Variants in CDCA8 observed in about 807,000 individuals in gnomAD.
The protein encoded by CDCA8 is cell division cycle associated 8.
In CDCA8, 25 loss-of-function variants were observed where a neutral mutation model predicts 40.0. The observed-to-expected ratio is 0.63, with a 90% CI of 0.46 to 0.87. The LOEUF (loss-of-function observed/expected upper bound fraction) is 0.87, where lower values mean the gene tolerates loss of function less well. Among genes scored for constraint, CDCA8 ranks in the 40% least tolerant of loss-of-function variants. CDCA8 has a pLI of 0.00. For missense variants in CDCA8, 280 were observed against 348.4 expected, an observed-to-expected ratio of 0.80 and a Z score of 1.56; for synonymous variants, 111 against 126.5, an observed-to-expected ratio of 0.88 and a Z score of 0.82.
At position 37,693,356 on chromosome 1, in the gene CDCA8, A is replaced by G. The variant is rs376521600; in HGVS notation, c.223+323A>G. On this transcript the variant is annotated intron_variant, in intron 2 of 9. Coordinates refer to ENST00000373055, the MANE Select transcript of CDCA8 (RefSeq NM_001256875.2). ...AAATTTTAGTTATGGATACACTGAA[A>G]TGTGAATTTCACATAATTTTCACAC... Among the ~76,000 whole-genome samples, 32 of 152,280 alleles carry G rather than the reference A, an allele frequency of 2.1e-4. No homozygotes were observed. The South Asian group carries it at 6.4e-3, about 31-fold the overall frequency.
At chr1:37,693,963 C>A (rs1268112800) in intron 2 of CDCA8, among the ~76,000 whole-genome samples, 7 of 151,908 alleles carry the variant, frequency 4.6e-5, no homozygotes, top group Non-Finnish European at 1.0e-4. Context: ...CATGGAGAAA[C>A]CCTGTCTCTA....
intron 2 of CDCA8, 93 bp downstream of exon 2, chr1:37,693,126 T>A: frequency 9.3e-7 from 1 of 1,077,270 alleles, no homozygotes; most frequent in Non-Finnish European, 1.4e-6. Flanking sequence ...TGTCACCTTT[T>A]AATGAGATCT....
chr1:37,696,011 C>T lies in CDCA8; in HGVS notation c.264+61C>T. The T allele has an allele frequency of 7.0e-7, 1 of 1,421,448 alleles. No individual in the cohort carries two copies. 88.1% of individuals were successfully genotyped at this position (1,421,448 alleles called of 1,614,324 possible). Reference sequence around the variant, plus strand: ...CTTAAGTCTAGTCCAGTCCCCAGATCCAACTAATAGATGCTTACTGTGGAA... The same window carrying T: ...CTTAAGTCTAGTCCAGTCCCCAGATTCAACTAATAGATGCTTACTGTGGAA... On this transcript the variant is annotated intron_variant, in intron 3 of 9. Coordinates refer to ENST00000373055, the MANE Select transcript of CDCA8 (RefSeq NM_001256875.2). The surrounding 1 kb of genome is among the most constrained non-coding windows in gnomAD (Gnocchi z 5.0).
intron 4 of CDCA8, among the ~76,000 whole-genome samples, chr1:37,699,907 G>A (rs1273626057): frequency 3.3e-5 from 5 of 151,262 alleles, no homozygotes; most frequent in East Asian, 3.9e-4. Flanking sequence ...GCGATAGAGC[G>A]AGACTCTGTC....
intron 6 of CDCA8, among the ~76,000 whole-genome samples, chr1:37,702,660 C>T (rs940644201): frequency 6.6e-6 from 1 of 152,082 alleles, no homozygotes; most frequent in African/African-American, 2.4e-5. Context: ...ATTAAAAAGT[C>T]AGATTCTGAG....
chr1:37,697,709 T>C (rs1645536936), intron 3 of CDCA8, among the ~76,000 whole-genome samples: 1 of 152,238 alleles, frequency 6.6e-6, no homozygotes, highest in East Asian at 1.9e-4. Flanking sequence ...TCCTGCACAG[T>C]AGATGCCCAG....
rs1347714722 is a variant in CDCA8, at chr1:37,709,637, G to A, written c.*1271G>A. The A allele has an allele frequency of 1.3e-5, 2 of 152,038 alleles. No individual in the cohort carries two copies. Among genetic ancestry groups the A allele is most frequent in the Non-Finnish European group, 2.9e-5 (2 of 68,016 alleles). 9.4% of individuals were successfully genotyped at this position (152,038 alleles called of 1,614,324 possible). On this transcript the variant is annotated 3_prime_UTR_variant, in exon 10 of 10. Transcript: ENST00000373055. ...GAGATTTTTGTATATATTGTTCTGA[G>A]TAATGGTATCTTTGAGCTGATTGTT... is the stretch of plus-strand genomic sequence containing the variant.
At chr1:37,699,255 G>T (rs1645546424) in intron 4 of CDCA8, among the ~76,000 whole-genome samples, 2 of 152,100 alleles carry the variant, frequency 1.3e-5, no homozygotes, top group African/African-American at 4.8e-5. Flanking sequence ...AAAAAAGGGG[G>T]GAAAAAAGCT....
rs990949329 is a variant in CDCA8, at chr1:37,692,628, C to T, written c.-63C>T. The T allele has an allele frequency of 1.5e-6, 2 of 1,346,896 alleles. No individual in the cohort carries two copies. Among genetic ancestry groups the T allele is most frequent in the Non-Finnish European group, 2.1e-6 (2 of 952,100 alleles). The allele number at this position is 1,346,896 out of a possible 1,614,324, so 83.4% of individuals were successfully genotyped here. On this transcript the variant is annotated 5_prime_UTR_variant, in exon 1 of 10. Coordinates refer to ENST00000373055, the MANE Select transcript of CDCA8 (RefSeq NM_001256875.2). ...GTGGTCCCCGTCCGCCCTCCTCGTCCCTACCCAGTTTCTTGCTTCCCTGCC... is the reference window on the plus strand; with the variant it reads ...GTGGTCCCCGTCCGCCCTCCTCGTCTCTACCCAGTTTCTTGCTTCCCTGCC...
chr1:37,698,088 T>C (rs931084085), intron 3 of CDCA8, among the ~76,000 whole-genome samples: 50 of 152,204 alleles, frequency 3.3e-4, no homozygotes, highest in African/African-American at 9.4e-4. Context: ...AGGATCATCA[T>C]AGAAAACCTT....
intron 1 of CDCA8, 53 bp downstream of exon 1, chr1:37,692,837 G>GATGC: frequency 1.2e-6 from 2 of 1,612,722 alleles, no homozygotes; most frequent in Non-Finnish European, 1.7e-6. Flanking sequence ...ATGCTGGCGG[G>GATGC]TGGGGACACG....
At position 37,708,478 on chromosome 1, in the gene CDCA8, T is replaced by G; in HGVS notation, c.*112T>G. 1.9e-6 allele frequency: 2 copies of G among 1,052,780 alleles called. 1 individual carries two copies. The highest frequency in any genetic ancestry group is 2.6e-5 in the South Asian group (2 of 76,984). The allele number at this position is 1,052,780 out of a possible 1,614,324, so 65.2% of individuals were successfully genotyped here. ...TGAAGTTCCAGAGCAAGGAGCCATG[T>G]TCCTCTAAGGGAATTCAGGAATTCA... On this transcript the variant is annotated 3_prime_UTR_variant, in exon 10 of 10. Transcript: ENST00000373055.
rs1645620835 is a variant in CDCA8 at position 37,708,867 on chromosome 1, A to G, written c.*501A>G. The G allele has an allele frequency of 9.5e-6, 2 of 211,406 alleles. No individual in the cohort carries two copies. The highest frequency in any genetic ancestry group is 5.1e-5 in the Admixed American group (1 of 19,504). 13.1% of individuals were successfully genotyped at this position (211,406 alleles called of 1,614,324 possible). A position where few individuals can be genotyped will look rare whatever the true frequency, so the allele number is the denominator to read the frequency against. ...AGGGTAGGTCCAGAAGGTGGGGGGAACTGTACAGATCAGCAGAGCAGGACA... is the reference window on the plus strand; with the variant it reads ...AGGGTAGGTCCAGAAGGTGGGGGGAGCTGTACAGATCAGCAGAGCAGGACA... On this transcript the variant is annotated 3_prime_UTR_variant, in exon 10 of 10. Coordinates refer to ENST00000373055, the MANE Select transcript of CDCA8 (RefSeq NM_001256875.2).
Position 37,692,958 on chromosome 1 carries a change from G to T in CDCA8, c.148G>T (p.Val50Leu), listed in dbSNP as rs1169929067. 6.2e-7 allele frequency: 1 copy of T among 1,614,040 alleles called. No individual in the cohort carries two copies. The highest frequency in any genetic ancestry group is 8.5e-7 in the Non-Finnish European group (1 of 1,180,034). ...AGACAGGCAGAACCTCCTCAAGGAG[G>T]TGGATAACCTCTACAACATCGAGAT... Reference protein sequence around the residue: ...ESDRQNLLKEVDNLYNIEILR... With the variant: ...ESDRQNLLKELDNLYNIEILR... The change falls in exon 2 of 10, where the codon GTG (valine) becomes TTG (leucine). Residue 50 changes from valine (V) to leucine (L), a missense_variant. By Grantham distance (32) the Val-to-Leu change is conservative. Transcript: ENST00000373055.
intron 2 of CDCA8, among the ~76,000 whole-genome samples, chr1:37,693,803 A>G (rs1241895299): frequency 2.0e-5 from 3 of 152,188 alleles, no homozygotes; most frequent in East Asian, 3.9e-4. Context: ...AATAACCCGA[A>G]GCAGCTCCTT....
chr1:37,701,389 C>A (rs1645561957), intron 5 of CDCA8, among the ~76,000 whole-genome samples: 2 of 152,104 alleles, frequency 1.3e-5, no homozygotes, highest in African/African-American at 4.8e-5. Context: ...ACCTCCCAGG[C>A]CCCAGGAAGG....
In CDCA8 at chr1:37,709,676, G is replaced by C. The variant is rs1278859457; in HGVS notation, c.*1310G>C. ...GAGCTGATTGTTCTAATCAGAGCTG[G>C]TACCTACTTTCAATAAATTCTGGTT... On this transcript the variant is annotated 3_prime_UTR_variant, in exon 10 of 10. Transcript: ENST00000373055. The C allele has an allele frequency of 6.6e-6, 1 of 152,054 alleles. No individual in the cohort carries two copies. The highest frequency in any genetic ancestry group is 1.5e-5 in the Non-Finnish European group (1 of 68,024). The allele number at this position is 152,054 out of a possible 1,614,324, so 9.4% of individuals were successfully genotyped here.
In CDCA8 at chr1:37,694,878, C is replaced by T. The variant is rs1336568593; in HGVS notation, c.224-1032C>T. Among the ~76,000 whole-genome samples the T allele has an allele frequency of 2.6e-5, 4 of 152,220 alleles. No homozygotes were observed. In the East Asian group the frequency reaches 5.8e-4, roughly 22 times the overall value. The stretch of plus-strand genomic sequence containing the variant: ...ATTCTACATGTAAATCTCACAAAGA[C>T]CTTTTCATTCAACACGTTTACTGTA... On this transcript the variant is annotated intron_variant, in intron 2 of 9. Transcript: ENST00000373055.
chr1:37,703,132 C>A, intron 6 of CDCA8, 120 bp from the exon 7 acceptor site: 1 of 767,530 alleles, frequency 1.3e-6, no homozygotes, highest in Non-Finnish European at 2.4e-6. Flanking sequence ...TCACGTGAGT[C>A]GATGTGTGCG....
Sources: allele counts gnomAD v4.1 joint callset (sites outside exome capture counted in the v4.1 genomes callset), GRCh38; gene constraint gnomAD v4.1.1; non-coding constraint Gnocchi (gnomAD v3.1); transcripts MANE v1.5; gene names NCBI Gene and HGNC (gene_info 2026-07-23, HGNC 2026-07-21).